Variants in ADRA1A observed in about 807,000 individuals in gnomAD.
ADRA1A encodes adrenoceptor alpha 1A.
ADRA1A carries 31 observed loss-of-function variants against 29.6 expected under a neutral mutation model. The ratio of observed to expected loss-of-function variants is 1.05; its 90% CI spans 0.79 to 1.41. The LOEUF is 1.41. Among genes scored for constraint, ADRA1A ranks in the 40% most tolerant of loss-of-function variants. The probability of loss-of-function intolerance (pLI) is 0.00; values close to 1 mark genes in which losing one functional copy is unlikely to be tolerated. For synonymous variants in ADRA1A, 311 were observed against 254.3 expected (o/e 1.22, Z -2.12); for missense variants, 619 against 601.1 (o/e 1.03, Z -0.31).
intron 2 of ADRA1A, among the ~76,000 whole-genome samples, chr8:26,794,367 A>G (rs1458760748): frequency 1.3e-5 from 2 of 152,086 alleles, no homozygotes; most frequent in African/African-American, 4.8e-5. Context: ...GGTAATAGAT[A>G]GTCTGTGTGG....
At chr8:26,758,575 G>T (rs1374489873) in intron 2 of ADRA1A, among the ~76,000 whole-genome samples, 1 of 152,156 alleles carries the variant, frequency 6.6e-6, no homozygotes, top group Non-Finnish European at 1.5e-5. Context: ...TGGCTCAAGA[G>T]AGGTCACGTG....
chr8:26,842,884 CACACACACA>C (rs1811933345), intron 2 of ADRA1A, among the ~76,000 whole-genome samples: 1 of 151,368 alleles, frequency 6.6e-6, no homozygotes, highest in Non-Finnish European at 1.5e-5. Context: ...CACACACACA[CACACACACA>C]CACACACACA....
At chr8:26,752,307 G>A (rs1804954359), downstream of ADRA1A, among the ~76,000 whole-genome samples, 1 of 152,178 alleles carries the variant, frequency 6.6e-6, no homozygotes, top group South Asian at 2.1e-4. Context: ...TGGATTGGTT[G>A]GACCAGGTGT....
At chr8:26,850,670 TTA>T (rs1400792106) in intron 2 of ADRA1A, among the ~76,000 whole-genome samples, 2 of 152,202 alleles carry the variant, frequency 1.3e-5, no homozygotes, top group African/African-American at 4.8e-5. Context: ...TTTTGTACTT[TTA>T]ATAGAGACGG....
In ADRA1A at chr8:26,831,683, T is replaced by A. The variant is rs61761848; in HGVS notation, c.883+32404A>T. 0.037 allele frequency among the ~76,000 whole-genome samples: 5,582 copies of A among 152,356 alleles called. 136 individuals carry two copies. The highest frequency in any genetic ancestry group is 0.12 in the Middle Eastern group (34 of 294). On this transcript the variant is annotated intron_variant, in intron 2 of 2. Transcript: ENST00000380573. The surrounding 1 kb of genome is among the most constrained non-coding windows in gnomAD (Gnocchi z 5.2). ...TAGATCAGCCACATGCCAATTGTCTTCTTGTTTTCTTTCCAGGACAAGAAG... is the reference window on the plus strand; with the variant it reads ...TAGATCAGCCACATGCCAATTGTCTACTTGTTTTCTTTCCAGGACAAGAAG...
Position 26,848,864 on chromosome 8 carries a change from C to A in ADRA1A, c.883+15223G>T, listed in dbSNP as rs1357605517. Among the ~76,000 whole-genome samples the A allele has an allele frequency of 6.6e-6, 1 of 152,144 alleles. No homozygotes were observed. The highest frequency in any genetic ancestry group is 1.5e-5 in the Non-Finnish European group (1 of 68,010). On this transcript the variant is annotated intron_variant, in intron 2 of 2. Coordinates refer to ENST00000380573, the MANE Select transcript of ADRA1A (RefSeq NM_000680.4). The surrounding 1 kb of genome is among the most constrained non-coding windows in gnomAD (Gnocchi z 4.3). The stretch of plus-strand genomic sequence containing the variant: ...TCCTCTAACTGTTGAGAATCAAAGG[C>A]TATAGGAGGATGGGTCTGCTTTGTC...
In ADRA1A at chr8:26,805,640, G is replaced by A. The variant is rs73558297; in HGVS notation, c.884-34974C>T. Among the ~76,000 whole-genome samples the A allele has an allele frequency of 3.7e-3, 564 of 152,316 alleles. 4 individuals are homozygous for A. Among genetic ancestry groups the A allele is most frequent in the African/African-American group, 0.012 (511 of 41,574 alleles). On this transcript the variant is annotated intron_variant, in intron 2 of 2. Coordinates refer to ENST00000380573, the MANE Select transcript of ADRA1A (RefSeq NM_000680.4). The surrounding 1 kb of genome is among the most constrained non-coding windows in gnomAD (Gnocchi z 4.8). ...CAAGGCCATGGAACAAGTGAGAGAT[G>A]GAACTGGATTTGAACTCTGGTACCC...
chr8:26,782,568 G>T (rs961156299), intron 2 of ADRA1A, among the ~76,000 whole-genome samples: 1 of 152,136 alleles, frequency 6.6e-6, no homozygotes, highest in Non-Finnish European at 1.5e-5. Context: ...AGCTTTGCTT[G>T]CAAGAGACAT....
At chr8:26,843,079 T>C (rs1811947153) in intron 2 of ADRA1A, among the ~76,000 whole-genome samples, 1 of 152,194 alleles carries the variant, frequency 6.6e-6, no homozygotes, top group Non-Finnish European at 1.5e-5. Flanking sequence ...GCCTGGCATA[T>C]CTCCCCTCTG....
At chr8:26,846,833 T>A (rs916477227) in intron 2 of ADRA1A, among the ~76,000 whole-genome samples, 1 of 152,082 alleles carries the variant, frequency 6.6e-6, no homozygotes, top group Admixed American at 6.5e-5. Context: ...TGTCCAACAA[T>A]GATAGACTGG....
At chr8:26,813,489 TATCCATCCATCCATCC>T (rs35199156) in intron 2 of ADRA1A, among the ~76,000 whole-genome samples, 31 of 149,816 alleles carry the variant, frequency 2.1e-4, no homozygotes, top group East Asian at 4.0e-4. Flanking sequence ...CTCTTGCATC[TATCCATCCATCCATCC>T]ATCCATCCAT....
intron 2 of ADRA1A, among the ~76,000 whole-genome samples, chr8:26,822,366 CA>C (rs1415837016): frequency 2.0e-5 from 3 of 152,146 alleles, no homozygotes; most frequent in African/African-American, 7.2e-5. Context: ...ATTATACAAA[CA>C]AGTTCTTAGC....
At position 26,825,998 on chromosome 8, in the gene ADRA1A, T is replaced by G. The variant is rs994590788; in HGVS notation, c.883+38089A>C. 2.6e-5 allele frequency among the ~76,000 whole-genome samples: 4 copies of G among 152,184 alleles called. No individual in the cohort carries two copies. Among genetic ancestry groups the G allele is most frequent in the Non-Finnish European group, 5.9e-5 (4 of 68,014 alleles). ...CCAGAGAGTGCTTACCTCTTCTTCC[T>G]GAGAAGATGGCCAGCTCACTTACAC... On this transcript the variant is annotated intron_variant, in intron 2 of 2. Transcript: ENST00000380573. This position sits in a 1 kb window ranked among gnomAD's most constrained non-coding sequence, Gnocchi z 5.7.
chr8:26,864,054 C>A lies in ADRA1A; in HGVS notation c.883+33G>T. ...AGAAGCCGAGGAGGGTGAAGACCCC[C>A]AGATGCTAAAGTGAGGGGTGTTCAA... is the stretch of plus-strand genomic sequence containing the variant. On this transcript the variant is annotated intron_variant, in intron 2 of 2. Coordinates refer to ENST00000380573, the MANE Select transcript of ADRA1A (RefSeq NM_000680.4). The surrounding 1 kb of genome is among the most constrained non-coding windows in gnomAD (Gnocchi z 8.1). The A allele has an allele frequency of 6.3e-7, 1 of 1,581,902 alleles. No individual in the cohort carries two copies. Among genetic ancestry groups the A allele is most frequent in the Non-Finnish European group, 8.6e-7 (1 of 1,164,824 alleles).
At position 26,770,786 on chromosome 8, in the gene ADRA1A, A is replaced by G. The variant is rs538084613; in HGVS notation, c.884-120T>C. ...AAACGGTTAAAATGATCCCAAACAC[A>G]TATGAGTTTCTCACATTTGACTGAC... On this transcript the variant is annotated intron_variant, in intron 2 of 2. Transcript: ENST00000380573. 23 of 1,375,784 alleles carry G rather than the reference A, an allele frequency of 1.7e-5. No homozygotes were observed. The African/African-American group carries it at 2.9e-4, about 17-fold the overall frequency. The allele number at this position is 1,375,784 out of a possible 1,614,324, so 85.2% of individuals were successfully genotyped here.
In ADRA1A at chr8:26,768,876, C is replaced by A; in HGVS notation, c.*1273G>T. The A allele has an allele frequency of 1.0e-6, 1 of 985,326 alleles. No individual in the cohort carries two copies. The highest frequency in any genetic ancestry group is 1.2e-6 in the Non-Finnish European group (1 of 829,840). The allele number at this position is 985,326 out of a possible 1,614,324, so 61.0% of individuals were successfully genotyped here. On this transcript the variant is annotated 3_prime_UTR_variant, in exon 3 of 3. Coordinates refer to ENST00000380573, the MANE Select transcript of ADRA1A (RefSeq NM_000680.4). ...AGCAAAATATAGCATGTTCCCCAAG[C>A]TCTTGCAGAAAAGTAGGAATAGATG...
At position 26,821,759 on chromosome 8, in the gene ADRA1A, AC is replaced by A. The variant is rs112705923; in HGVS notation, c.883+42327del. The stretch of plus-strand genomic sequence containing the variant: ...GCCATACCCACTTCCCTTCTGCCCC[AC>A]CCCGATCTTCACTCCTGGAAATCAC... On this transcript the variant is annotated intron_variant, in intron 2 of 2. Coordinates refer to ENST00000380573, the MANE Select transcript of ADRA1A (RefSeq NM_000680.4). The surrounding 1 kb of genome is among the most constrained non-coding windows in gnomAD (Gnocchi z 5.6). Among the ~76,000 whole-genome samples the A allele has an allele frequency of 0.14, 20,727 of 152,036 alleles. 1,593 individuals are homozygous for A. Among genetic ancestry groups the A allele is most frequent in the Middle Eastern group, 0.29 (85 of 294 alleles).
intron 2 of ADRA1A, among the ~76,000 whole-genome samples, chr8:26,750,810 C>G (rs1182179124): frequency 6.6e-6 from 1 of 152,220 alleles, no homozygotes; most frequent in Non-Finnish European, 1.5e-5. Flanking sequence ...TGGCTCACGC[C>G]TATAGCCCCA....
intron 2 of ADRA1A, among the ~76,000 whole-genome samples, chr8:26,840,363 G>A (rs775215570): frequency 4.6e-5 from 7 of 152,054 alleles, no homozygotes; most frequent in African/African-American, 9.7e-5. Flanking sequence ...TATTTGTCCC[G>A]GGAGATCCAT....
Sources: allele counts gnomAD v4.1 joint callset (sites outside exome capture counted in the v4.1 genomes callset), GRCh38; gene constraint gnomAD v4.1.1; non-coding constraint Gnocchi (gnomAD v3.1); transcripts MANE v1.5; gene names NCBI Gene and HGNC (gene_info 2026-07-23, HGNC 2026-07-21).